Variants in ACAP2 observed in about 807,000 individuals in gnomAD.
The protein encoded by ACAP2 is ArfGAP with coiled-coil, ankyrin repeat and PH domains 2.
Under a neutral mutation model 115.8 loss-of-function variants are expected in ACAP2, and 39 were observed. That is an observed-to-expected ratio of 0.34 (90% CI 0.26 to 0.44). The LOEUF is 0.44. ACAP2 is among the 20% of genes least tolerant of loss of function. The probability of loss-of-function intolerance (pLI) is 1.00; values close to 1 mark genes in which losing one functional copy is unlikely to be tolerated. For synonymous variants in ACAP2, 289 were observed against 315.8 expected (o/e 0.92, Z 0.90); for missense variants, 662 against 927.6 (o/e 0.71, Z 3.72).
intron 15 of ACAP2, among the ~76,000 whole-genome samples, chr3:195,297,790 T>G (rs1727752954): frequency 6.6e-6 from 1 of 152,242 alleles, no homozygotes; most frequent in Non-Finnish European, 1.5e-5. Context: ...TACCTCTTTT[T>G]GGGTTGGGTT....
chr3:195,429,178 A>C (rs887948522), intron 1 of ACAP2, among the ~76,000 whole-genome samples: 15 of 152,138 alleles, frequency 9.9e-5, no homozygotes, highest in African/African-American at 3.6e-4. Flanking sequence ...ACTTGAGGTC[A>C]GGAGTTCGAG....
intron 1 of ACAP2, among the ~76,000 whole-genome samples, chr3:195,432,366 A>G (rs114465318): frequency 4.8e-4 from 73 of 152,314 alleles, no homozygotes; most frequent in African/African-American, 1.8e-3. Flanking sequence ...ATTTTTGCCT[A>G]TGACATAAGA....
chr3:195,380,882 A>G (rs1025477664), intron 4 of ACAP2, 127 bp downstream of exon 4: 14 of 771,896 alleles, frequency 1.8e-5, no homozygotes, highest in African/African-American at 5.3e-5. Flanking sequence ...AGATTCACCC[A>G]GCTAAAAAGT....
chr3:195,370,760 G>C (rs574691973), intron 4 of ACAP2, among the ~76,000 whole-genome samples: 147 of 152,158 alleles, frequency 9.7e-4, no homozygotes, highest in African/African-American at 3.3e-3. Flanking sequence ...GACCAGCCTG[G>C]GCAACATGGC....
intron 21 of ACAP2, among the ~76,000 whole-genome samples, chr3:195,286,758 G>C (rs1277718601): frequency 2.0e-5 from 3 of 152,218 alleles, no homozygotes; most frequent in Non-Finnish European, 4.4e-5. Flanking sequence ...ATTCTTAAGT[G>C]AAACTGAAGC....
intron 1 of ACAP2, among the ~76,000 whole-genome samples, chr3:195,424,283 A>ATATATAT (rs1179576221): frequency 3.7e-5 from 2 of 54,112 alleles, no homozygotes; most frequent in African/African-American, 1.9e-4. Flanking sequence ...ATATATATAT[A>ATATATAT]TTTTTTTTTT....
intron 8 of ACAP2, 87 bp downstream of exon 8, chr3:195,332,941 A>G: frequency 3.1e-6 from 3 of 956,926 alleles, no homozygotes; most frequent in Non-Finnish European, 4.8e-6. Context: ...GTGAGAACAA[A>G]CTAGTACACC....
chr3:195,359,256 G>A (rs1438970010), intron 4 of ACAP2, among the ~76,000 whole-genome samples: 2 of 152,162 alleles, frequency 1.3e-5, no homozygotes, highest in Non-Finnish European at 2.9e-5. Flanking sequence ...AAGGCTCACT[G>A]GTGACAGTAA....
intron 10 of ACAP2, among the ~76,000 whole-genome samples, chr3:195,311,838 A>T (rs760155928): frequency 4.6e-5 from 7 of 152,146 alleles, no homozygotes; most frequent in Non-Finnish European, 1.0e-4. Flanking sequence ...CGCCCTGCCA[A>T]GACAGTTTTT....
intron 1 of ACAP2, among the ~76,000 whole-genome samples, chr3:195,414,720 A>G (rs1713573057): frequency 6.6e-6 from 1 of 152,214 alleles, no homozygotes; most frequent in South Asian, 2.1e-4. Context: ...GAAAATGATC[A>G]CTAGAGTATT....
intron 6 of ACAP2, among the ~76,000 whole-genome samples, chr3:195,340,361 T>TA (rs1185887020): frequency 6.6e-6 from 1 of 151,852 alleles, no homozygotes; most frequent in East Asian, 1.9e-4. Flanking sequence ...TTTTGGAAGA[T>TA]AAGAGATTTC....
At chr3:195,379,757 C>G (rs115452164) in intron 4 of ACAP2, among the ~76,000 whole-genome samples, 1 of 152,174 alleles carries the variant, frequency 6.6e-6, no homozygotes, top group Non-Finnish European at 1.5e-5. Flanking sequence ...TGAGGTATGA[C>G]TGTGCCATTG....
intron 22 of ACAP2, among the ~76,000 whole-genome samples, chr3:195,281,856 T>G (rs1275719913): frequency 6.6e-6 from 1 of 152,238 alleles, no homozygotes; most frequent in African/African-American, 2.4e-5. Flanking sequence ...TGTAAAATAT[T>G]TATTGTAAAC....
At chr3:195,350,988 T>A (rs542153157) in intron 4 of ACAP2, among the ~76,000 whole-genome samples, 2 of 150,728 alleles carry the variant, frequency 1.3e-5, no homozygotes, top group Admixed American at 6.6e-5. Context: ...ACAAAATCAA[T>A]AAACTGACTT....
At chr3:195,302,305 A>T in intron 13 of ACAP2, 131 bp from the exon 14 acceptor site, 1 of 757,030 alleles carries the variant, frequency 1.3e-6, no homozygotes, top group Non-Finnish European at 2.1e-6. Flanking sequence ...GCAAGGCAAT[A>T]GTCTAGCTAG....
intron 1 of ACAP2, among the ~76,000 whole-genome samples, chr3:195,402,406 AAAG>A (rs1712385778): frequency 6.6e-6 from 1 of 152,192 alleles, no homozygotes; most frequent in Non-Finnish European, 1.5e-5. Flanking sequence ...GAAAAAAATA[AAAG>A]AATAAAGAAC....
intron 1 of ACAP2, chr3:195,442,380 G>A (rs1716071586): frequency 4.1e-6 from 1 of 241,686 alleles, no homozygotes; most frequent in East Asian, 9.5e-5. Flanking sequence ...CTCAAAGAGG[G>A]GGTGGGGAGG....
intron 9 of ACAP2, among the ~76,000 whole-genome samples, chr3:195,324,248 A>T (rs1729630648): frequency 6.6e-6 from 1 of 152,200 alleles, no homozygotes; most frequent in South Asian, 2.1e-4. Context: ...AAGACAGCAT[A>T]GTATTGACAG....
intron 11 of ACAP2, among the ~76,000 whole-genome samples, chr3:195,308,148 A>T (rs527926438): frequency 6.6e-6 from 1 of 152,292 alleles, no homozygotes; most frequent in South Asian, 2.1e-4. Context: ...TAACAAATTT[A>T]AGGGGTTCTA....
Sources: allele counts gnomAD v4.1 joint callset (sites outside exome capture counted in the v4.1 genomes callset), GRCh38; gene constraint gnomAD v4.1.1; transcripts MANE v1.5; gene names NCBI Gene and HGNC (gene_info 2026-07-23, HGNC 2026-07-21).